ROS1: variants seen among roughly 807,000 people sequenced by gnomAD.
ROS1 encodes ROS proto-oncogene 1, receptor tyrosine kinase, also known as proto-oncogene tyrosine-protein kinase ROS.
ROS1 carries 263 observed loss-of-function variants against 273.5 expected under a neutral mutation model. The ratio of observed to expected loss-of-function variants is 0.96; its 90% confidence interval spans 0.87 to 1.06. ROS1 has a LOEUF of 1.06. Among genes scored for constraint, ROS1 ranks in the 50% least tolerant of loss-of-function variants. The probability of loss-of-function intolerance (pLI) is 0.00; values close to 1 mark genes in which losing one functional copy is unlikely to be tolerated. For missense variants in ROS1, 2,833 were observed against 2,751.1 expected, an observed-to-expected ratio of 1.03 and a Z score of -0.67; for synonymous variants, 1,008 against 954.1, an observed-to-expected ratio of 1.06 and a Z score of -1.04.
intron 22 of ROS1, among the ~76,000 whole-genome samples, chr6:117,361,715 TATC>T (rs1779817063): frequency 6.6e-6 from 1 of 151,746 alleles, no homozygotes; most frequent in Non-Finnish European, 1.5e-5. Context: ...GACAACAAAT[TATC>T]AAAATAATTA....
intron 32 of ROS1, among the ~76,000 whole-genome samples, chr6:117,329,742 G>A (rs1263813575): frequency 6.6e-6 from 1 of 151,962 alleles, no homozygotes; most frequent in Non-Finnish European, 1.5e-5. Flanking sequence ...AGAACCACAC[G>A]GGGAAGGGGA....
In ROS1 at chr6:117,326,884, T is replaced by C. The variant is rs1776681016; in HGVS notation, c.5349-470A>G. 2.6e-5 allele frequency among the ~76,000 whole-genome samples: 4 copies of C among 152,356 alleles called. No homozygotes were observed. The South Asian group carries it at 8.3e-4, about 32-fold the overall frequency. ...AGTTCAGCTACCAAAGTTATCATTA[T>C]ATCTGAGATTCTGAGGCTCGTTGCT... On this transcript the variant is annotated intron_variant, in intron 33 of 43. Coordinates refer to ENST00000368507, the MANE Select transcript of ROS1 (RefSeq NM_001378902.1).
rs181371269 is a variant in ROS1 at position 117,333,143 on chromosome 6, C to T, written c.5231-3697G>A. Among the ~76,000 whole-genome samples the T allele has an allele frequency of 4.0e-4, 61 of 151,412 alleles. No individual in the cohort carries two copies. In the East Asian group the frequency reaches 0.011, roughly 27 times the overall value. ...AGGAGACAGAGAAGAATCAAATAGA[C>T]ACAAAAAAAATGATAAAGGGGATAT... On this transcript the variant is annotated intron_variant, in intron 32 of 43. Coordinates refer to ENST00000368507, the MANE Select transcript of ROS1 (RefSeq NM_001378902.1).
chr6:117,340,621 C>A (rs1036077845), intron 31 of ROS1, among the ~76,000 whole-genome samples: 2 of 152,028 alleles, frequency 1.3e-5, no homozygotes, highest in Non-Finnish European at 2.9e-5. Flanking sequence ...TGGGTGCTTC[C>A]TTATTGGTTA....
At chr6:117,365,469 A>T (rs1382969335) in intron 20 of ROS1, 112 bp downstream of exon 20, 1 of 947,682 alleles carries the variant, frequency 1.1e-6, no homozygotes, top group Non-Finnish European at 1.6e-6. Flanking sequence ...TATGGGAATG[A>T]CAAAGAAGAT....
chr6:117,386,245 C>A (rs1275234409), intron 15 of ROS1, among the ~76,000 whole-genome samples: 1 of 152,244 alleles, frequency 6.6e-6, no homozygotes, highest in Non-Finnish European at 1.5e-5. Flanking sequence ...CAGACTCAGC[C>A]AATGCCAAAG....
At chr6:117,410,145 A>G (rs565399266) in intron 4 of ROS1, among the ~76,000 whole-genome samples, 57 of 152,334 alleles carry the variant, frequency 3.7e-4, no homozygotes, top group African/African-American at 1.2e-3. Flanking sequence ...TATATGTACA[A>G]TGATATTCTA....
intron 1 of ROS1, among the ~76,000 whole-genome samples, chr6:117,418,926 C>T (rs1775543885): frequency 6.6e-6 from 1 of 152,100 alleles, no homozygotes; most frequent in Non-Finnish European, 1.5e-5. Flanking sequence ...TCTTTTATGG[C>T]TCACATACAA....
chr6:117,311,202 T>G lies in ROS1; in HGVS notation c.6118-85A>C, dbSNP rs113375607. 2.8e-5 allele frequency: 19 copies of G among 687,202 alleles called. No homozygotes were observed. In the Middle Eastern group the frequency reaches 1.2e-3, roughly 45 times the overall value. 42.6% of individuals were successfully genotyped at this position (687,202 alleles called of 1,614,324 possible). Reference sequence around the variant, plus strand: ...ATATGTGTGAATATAAGTGGATACATGTATATGCATATGCATGTATGTATC... The same window carrying G: ...ATATGTGTGAATATAAGTGGATACAGGTATATGCATATGCATGTATGTATC... On this transcript the variant is annotated intron_variant, in intron 39 of 43. Coordinates refer to ENST00000368507, the MANE Select transcript of ROS1 (RefSeq NM_001378902.1).
chr6:117,336,436 T>C (rs897318642), intron 32 of ROS1, among the ~76,000 whole-genome samples: 6 of 152,176 alleles, frequency 3.9e-5, no homozygotes, highest in African/African-American at 1.4e-4. Flanking sequence ...GGTTTTCTGT[T>C]CCTGAATTAG....
At chr6:117,342,095 T>C (rs1009756325) in intron 29 of ROS1, among the ~76,000 whole-genome samples, 5 of 152,122 alleles carry the variant, frequency 3.3e-5, no homozygotes, top group Admixed American at 6.6e-5. Flanking sequence ...TACAGAAACC[T>C]ATGAGTATCT....
At position 117,287,610 on chromosome 6, in the gene ROS1, T is replaced by G. The variant is rs1267586298; in HGVS notation, c.*882A>C. The stretch of plus-strand genomic sequence containing the variant: ...TGTAAGCCTCAAAACTACAAAATAT[T>G]TTACAGTAGTGATTAAAGACAATAT... On this transcript the variant is annotated 3_prime_UTR_variant, in exon 44 of 44. Coordinates refer to ENST00000368507, the MANE Select transcript of ROS1 (RefSeq NM_001378902.1). Among the ~76,000 whole-genome samples the G allele has an allele frequency of 6.6e-6, 1 of 152,110 alleles. No homozygotes were observed. The highest frequency in any genetic ancestry group is 6.5e-5 in the Admixed American group (1 of 15,274).
intron 15 of ROS1, among the ~76,000 whole-genome samples, chr6:117,386,430 C>A (rs1270740220): frequency 6.6e-6 from 1 of 152,260 alleles, no homozygotes; most frequent in Non-Finnish European, 1.5e-5. Flanking sequence ...TTTCTTCCTT[C>A]TAACGCCTTC....
intron 43 of ROS1, among the ~76,000 whole-genome samples, chr6:117,290,405 A>G (rs1408418003): frequency 6.6e-6 from 1 of 152,208 alleles, no homozygotes; most frequent in Admixed American, 6.5e-5. Context: ...AGACTGCGAT[A>G]GTAGAGATAG....
chr6:117,316,216 A>G (rs1235010155), intron 39 of ROS1, among the ~76,000 whole-genome samples: 2 of 152,012 alleles, frequency 1.3e-5, no homozygotes, highest in Admixed American at 6.6e-5. Context: ...TGGGCAATCA[A>G]TTTACCCCAA....
intron 43 of ROS1, among the ~76,000 whole-genome samples, chr6:117,296,013 A>C (rs1248451214): frequency 1.3e-5 from 2 of 152,226 alleles, no homozygotes; most frequent in South Asian, 2.1e-4. Flanking sequence ...AAAGGAAATC[A>C]GTACATCAAA....
Position 117,342,467 on chromosome 6 carries a change from ATTTTT to A in ROS1, c.4579_4583del (p.Lys1527LeufsTer20). 1 of 1,609,226 alleles carries A rather than the reference ATTTTT, an allele frequency of 6.2e-7. No individual in the cohort carries two copies. Among genetic ancestry groups the A allele is most frequent in the Non-Finnish European group, 8.5e-7 (1 of 1,176,340 alleles). On this transcript the variant is annotated frameshift_variant, in exon 29 of 44. Coordinates refer to ENST00000368507, the MANE Select transcript of ROS1 (RefSeq NM_001378902.1). LOFTEE classifies it high-confidence loss of function. ...AATGTTCCAAAGGATCTGAATAATA[ATTTTT>A]TACAGCTATCTGTATCATGTATGTT...
At chr6:117,372,248 G>A (rs1201863317) in intron 18 of ROS1, among the ~76,000 whole-genome samples, 1 of 152,104 alleles carries the variant, frequency 6.6e-6, no homozygotes, top group Non-Finnish European at 1.5e-5. Context: ...CCTAGCCAGA[G>A]CAAGCAGACA....
At chr6:117,416,508 G>C (rs1292044326) in intron 2 of ROS1, among the ~76,000 whole-genome samples, 191 bp from the exon 3 acceptor site, 2 of 152,214 alleles carry the variant, frequency 1.3e-5, no homozygotes, top group Non-Finnish European at 2.9e-5. Context: ...TCTACAGGTA[G>C]AACAAGTCTT....
Sources: gnomAD v4.1 joint callset for allele counts (sites outside exome capture counted in the v4.1 genomes callset) on GRCh38, gnomAD v4.1.1 for gene constraint, MANE v1.5 for transcripts, NCBI Gene and HGNC (gene_info 2026-07-23, HGNC 2026-07-21) for gene names.